Variants in RNF150 observed in about 807,000 individuals in gnomAD.
The protein encoded by RNF150 is ring finger protein 150.
In RNF150, 24 loss-of-function variants were observed where a neutral mutation model predicts 39.3. The ratio of observed to expected loss-of-function variants is 0.61; its 90% CI spans 0.44 to 0.86. The LOEUF (loss-of-function observed/expected upper bound fraction) is 0.86. RNF150 is among the 40% of genes least tolerant of loss of function. RNF150 has a pLI of 0.00. For synonymous variants in RNF150, 255 were observed against 227.3 expected (o/e 1.12, Z -1.10); for missense variants, 502 against 587.8 (o/e 0.85, Z 1.51).
At position 140,945,371 on chromosome 4, in the gene RNF150, C is replaced by G. The variant is rs369916069; in HGVS notation, c.890+2283G>C. Reference sequence around the variant, plus strand: ...ATAACACATCATGAAAGTCTAAACACTGTTAAAACAACGCAATCTGTCATA... The same window carrying G: ...ATAACACATCATGAAAGTCTAAACAGTGTTAAAACAACGCAATCTGTCATA... On this transcript the variant is annotated intron_variant, in intron 4 of 6. Coordinates refer to ENST00000515673, the MANE Select transcript of RNF150 (RefSeq NM_020724.2). Among the ~76,000 whole-genome samples the G allele has an allele frequency of 1.1e-4, 17 of 151,978 alleles. No individual in the cohort carries two copies. In the Middle Eastern group the frequency reaches 0.01, roughly 92 times the overall value.
At chr4:141,116,725 G>C (rs1421569722) in intron 1 of RNF150, among the ~76,000 whole-genome samples, 1 of 152,174 alleles carries the variant, frequency 6.6e-6, no homozygotes, top group Non-Finnish European at 1.5e-5. Flanking sequence ...CAGTAGCAAA[G>C]ACTTGGAACC....
At chr4:141,029,841 TA>T (rs1432359726) in intron 1 of RNF150, among the ~76,000 whole-genome samples, 1 of 152,020 alleles carries the variant, frequency 6.6e-6, no homozygotes, top group East Asian at 1.9e-4. Flanking sequence ...AACAAGTAAC[TA>T]AAAAATGGGC....
At chr4:141,192,969 C>T (rs171367) in intron 1 of RNF150, among the ~76,000 whole-genome samples, 147,007 of 152,326 alleles carry the variant, frequency 0.97, 71,139 homozygotes, top group East Asian at 1. Flanking sequence ...TCAGGTTCTT[C>T]CAAAAAATTC....
At chr4:141,137,410 G>A (rs190222664), upstream of RNF150, among the ~76,000 whole-genome samples, 244 of 152,292 alleles carry the variant, frequency 1.6e-3, 2 homozygotes, top group Non-Finnish European at 2.1e-3. Context: ...GGTGAGAAGT[G>A]ATTCGATCCT....
intron 4 of RNF150, among the ~76,000 whole-genome samples, chr4:140,942,790 A>G (rs985301939): frequency 6.6e-6 from 1 of 152,156 alleles, no homozygotes; most frequent in Non-Finnish European, 1.5e-5. Flanking sequence ...TACGTATACT[A>G]AACTAGTAAT....
chr4:141,162,444 T>A (rs565008824), intron 1 of RNF150, among the ~76,000 whole-genome samples: 1 of 152,254 alleles, frequency 6.6e-6, no homozygotes, highest in Non-Finnish European at 1.5e-5. Flanking sequence ...AGGCTAGCCT[T>A]ATCTCAGATG....
At chr4:141,077,279 A>C (rs1317417600) in intron 1 of RNF150, among the ~76,000 whole-genome samples, 1 of 152,240 alleles carries the variant, frequency 6.6e-6, no homozygotes, top group Admixed American at 6.5e-5. Context: ...GAATGAATAC[A>C]CAAACTATGG....
chr4:141,072,433 T>C (rs558363014), intron 1 of RNF150, among the ~76,000 whole-genome samples: 1 of 152,298 alleles, frequency 6.6e-6, no homozygotes, highest in African/African-American at 2.4e-5. Flanking sequence ...CATTGTGTTT[T>C]GTGGTTTGGG....
intron 1 of RNF150, among the ~76,000 whole-genome samples, chr4:141,164,198 A>G (rs1349782968): frequency 6.6e-6 from 1 of 151,658 alleles, no homozygotes; most frequent in East Asian, 2.0e-4. Context: ...AGAAGAAAGG[A>G]TATCAGAGAT....
intron 1 of RNF150, among the ~76,000 whole-genome samples, chr4:141,087,943 C>T (rs1738429381): frequency 6.6e-6 from 1 of 152,070 alleles, no homozygotes; most frequent in South Asian, 2.1e-4. Flanking sequence ...GGCAATGTCC[C>T]TTCATTTGAG....
At chr4:141,177,831 G>A (rs1413705548) in intron 1 of RNF150, among the ~76,000 whole-genome samples, 1 of 152,028 alleles carries the variant, frequency 6.6e-6, no homozygotes, top group African/African-American at 2.4e-5. Flanking sequence ...AGAGAAAAGG[G>A]CTTTTTGTTT....
chr4:140,923,015 C>A (rs1001480424), intron 5 of RNF150, among the ~76,000 whole-genome samples: 3 of 150,766 alleles, frequency 2.0e-5, no homozygotes, highest in African/African-American at 7.5e-5. Context: ...ACCATAAAAA[C>A]CCCAGAAGAA....
chr4:141,095,053 T>C (rs1266693729), intron 1 of RNF150, among the ~76,000 whole-genome samples: 2 of 152,116 alleles, frequency 1.3e-5, no homozygotes, highest in African/African-American at 4.8e-5. Flanking sequence ...GTTGAGGACA[T>C]AGAGCAAATA....
chr4:141,029,285 T>A (rs1480590264), intron 1 of RNF150, among the ~76,000 whole-genome samples: 3 of 152,160 alleles, frequency 2.0e-5, no homozygotes, highest in Non-Finnish European at 4.4e-5. Flanking sequence ...ACAATTCAAT[T>A]CCAAGCAACT....
intron 5 of RNF150, among the ~76,000 whole-genome samples, chr4:140,916,928 T>C (rs1299638462): frequency 6.6e-6 from 1 of 152,218 alleles, no homozygotes; most frequent in Non-Finnish European, 1.5e-5. Context: ...CAGAATTTCA[T>C]ATCCAGCCAA....
chr4:141,191,478 G>A (rs1426160183), intron 1 of RNF150, among the ~76,000 whole-genome samples: 2 of 152,096 alleles, frequency 1.3e-5, no homozygotes, highest in East Asian at 1.9e-4. Flanking sequence ...ACAGCTCTTT[G>A]GGATAACACT....
At chr4:141,176,636 T>C (rs184651620) in intron 1 of RNF150, among the ~76,000 whole-genome samples, 3 of 152,342 alleles carry the variant, frequency 2.0e-5, no homozygotes, top group Non-Finnish European at 4.4e-5. Context: ...TCCTTGTCTT[T>C]TAACTTCATA....
At chr4:141,195,582 C>T (rs936011715) in intron 1 of RNF150, among the ~76,000 whole-genome samples, 1 of 152,090 alleles carries the variant, frequency 6.6e-6, no homozygotes, top group African/African-American at 2.4e-5. Flanking sequence ...CATCAGTAAT[C>T]TGCAAAATGA....
chr4:140,881,653 T>C (rs895303736), intron 6 of RNF150, among the ~76,000 whole-genome samples: 6 of 152,192 alleles, frequency 3.9e-5, no homozygotes, highest in East Asian at 1.9e-4. Flanking sequence ...GGTGGGAGGA[T>C]TGCTTGAACC....
Sources: allele counts gnomAD v4.1 joint callset (sites outside exome capture counted in the v4.1 genomes callset), GRCh38; gene constraint gnomAD v4.1.1; transcripts MANE v1.5; gene names NCBI Gene and HGNC (gene_info 2026-07-23, HGNC 2026-07-21).